The following RGL1 variants were observed in gnomAD, a reference collection of about 807,000 sequenced individuals.
The protein encoded by RGL1 is ral guanine nucleotide dissociation stimulator like 1.
Under a neutral mutation model 95.2 loss-of-function variants are expected in RGL1, and 24 were observed. The ratio of observed to expected loss-of-function variants is 0.25; its 90% CI spans 0.18 to 0.35. The LOEUF (loss-of-function observed/expected upper bound fraction) is 0.35, where lower values mean the gene tolerates loss of function less well. RGL1 is among the 10% of genes least tolerant of loss of function. RGL1 has a pLI of 1.00. For synonymous variants in RGL1, 329 were observed against 344.9 expected (o/e 0.95, Z 0.51); for missense variants, 715 against 936.3 (o/e 0.76, Z 3.08).
At chr1:183,643,170 C>T (rs1247285193) in intron 1 of RGL1, among the ~76,000 whole-genome samples, 3 of 152,144 alleles carry the variant, frequency 2.0e-5, no homozygotes, top group Admixed American at 6.5e-5. Flanking sequence ...ATTCATCTGT[C>T]AATGGACATT....
At chr1:183,804,626 G>T (rs1208902476), upstream of RGL1, among the ~76,000 whole-genome samples, 2 of 152,166 alleles carry the variant, frequency 1.3e-5, no homozygotes, top group Non-Finnish European at 2.9e-5. Flanking sequence ...AAAGCCCAGC[G>T]CGATTTCCTG....
intron 1 of RGL1, among the ~76,000 whole-genome samples, chr1:183,652,914 A>G (rs1036545865): frequency 6.6e-6 from 1 of 152,166 alleles, no homozygotes; most frequent in Non-Finnish European, 1.5e-5. Context: ...AATGAACCAC[A>G]CCATAAGGAC....
At chr1:183,841,343 T>C (rs1376157971) in intron 2 of RGL1, among the ~76,000 whole-genome samples, 1 of 152,228 alleles carries the variant, frequency 6.6e-6, no homozygotes, top group Non-Finnish European at 1.5e-5. Flanking sequence ...TATGTAATTA[T>C]TCATTATTTC....
At chr1:183,757,635 G>C (rs1658422624) in intron 2 of RGL1, among the ~76,000 whole-genome samples, 1 of 152,166 alleles carries the variant, frequency 6.6e-6, no homozygotes, top group African/African-American at 2.4e-5. Context: ...ATAATATTCT[G>C]TTGGGTTTAC....
chr1:183,823,334 T>A (rs1032565957), intron 2 of RGL1, among the ~76,000 whole-genome samples: 10 of 152,142 alleles, frequency 6.6e-5, no homozygotes, highest in African/African-American at 2.2e-4. Flanking sequence ...TGCTTGCAAG[T>A]TTCATTTAAA....
intron 1 of RGL1, among the ~76,000 whole-genome samples, chr1:183,721,752 C>T (rs1656024721): frequency 6.6e-6 from 1 of 152,210 alleles, no homozygotes; most frequent in Non-Finnish European, 1.5e-5. Flanking sequence ...GTGTTTTCCT[C>T]ACTTCATTCA....
chr1:183,656,176 C>G (rs1158905766), intron 1 of RGL1, among the ~76,000 whole-genome samples: 1 of 149,070 alleles, frequency 6.7e-6, no homozygotes, highest in Non-Finnish European at 1.5e-5. Context: ...CTCTCTAACT[C>G]TTACAAAAAA....
rs1661195171 is a variant in RGL1 at position 183,805,128 on chromosome 1, A to T, written c.-170A>T. 3 of 802,314 alleles carry T rather than the reference A, an allele frequency of 3.7e-6. No individual in the cohort carries two copies. Among genetic ancestry groups the T allele is most frequent in the Non-Finnish European group, 5.2e-6 (3 of 581,672 alleles). The allele number at this position is 802,314 out of a possible 1,614,324, so 49.7% of individuals were successfully genotyped here. A position where few individuals can be genotyped will look rare whatever the true frequency, so the allele number is the denominator to read the frequency against. ...CTCGCCGCGCTCCCTTTGTGGCCCG[A>T]GTCGCGCGCACCGGCGGCGGCGGGG... is the stretch of plus-strand genomic sequence containing the variant. On this transcript the variant is annotated 5_prime_UTR_variant, in exon 1 of 18. Transcript: ENST00000360851.
At chr1:183,786,043 A>C (rs192437518) in intron 2 of RGL1, among the ~76,000 whole-genome samples, 20 of 151,896 alleles carry the variant, frequency 1.3e-4, no homozygotes, top group Non-Finnish European at 2.6e-4. Flanking sequence ...GCACTACTCT[A>C]CTCCAGCCTG....
At chr1:183,663,778 G>A (rs928896855) in intron 1 of RGL1, among the ~76,000 whole-genome samples, 4 of 150,988 alleles carry the variant, frequency 2.6e-5, no homozygotes, top group Non-Finnish European at 5.9e-5. Flanking sequence ...GTTTATTGCA[G>A]CACTATTCAC....
chr1:183,874,965 T>C (rs1314937241), intron 4 of RGL1, among the ~76,000 whole-genome samples: 1 of 152,184 alleles, frequency 6.6e-6, no homozygotes, highest in African/African-American at 2.4e-5. Context: ...AAGGACAAAG[T>C]GTATTAGATC....
chr1:183,870,274 GGGGTATGTGTCTTCCGGCCA>G (rs1419770707), intron 4 of RGL1, among the ~76,000 whole-genome samples: 1 of 152,004 alleles, frequency 6.6e-6, no homozygotes, highest in Non-Finnish European at 1.5e-5. Flanking sequence ...TCGGTCTTCA[GGGGTATGTGTCTTCCGGCCA>G]GGGTAGGTGT....
intron 2 of RGL1, among the ~76,000 whole-genome samples, chr1:183,759,977 C>T (rs1658569521): frequency 6.6e-6 from 1 of 152,162 alleles, no homozygotes; most frequent in African/African-American, 2.4e-5. Context: ...TAAGACTCAT[C>T]ACATTAATGG....
intron 2 of RGL1, among the ~76,000 whole-genome samples, chr1:183,845,217 G>A (rs1410255685): frequency 2.6e-5 from 4 of 152,168 alleles, no homozygotes; most frequent in African/African-American, 4.8e-5. Flanking sequence ...ACCGCCTGGC[G>A]ATTGTTCGCA....
At chr1:183,792,518 G>C (rs2102381308) in intron 2 of RGL1, among the ~76,000 whole-genome samples, 1 of 152,214 alleles carries the variant, frequency 6.6e-6, no homozygotes, top group East Asian at 1.9e-4. Flanking sequence ...AACTGGAAAA[G>C]AGGAAGTCAG....
intron 3 of RGL1, among the ~76,000 whole-genome samples, chr1:183,848,547 T>C (rs1664602295): frequency 6.6e-6 from 1 of 152,238 alleles, no homozygotes; most frequent in Admixed American, 6.5e-5. Context: ...TACGGCTTTC[T>C]GTTGGGCTTG....
intron 5 of RGL1, 34 bp from the exon 6 acceptor site, chr1:183,883,752 C>T (rs373238942): frequency 3.0e-5 from 48 of 1,611,520 alleles, no homozygotes; most frequent in Middle Eastern, 1.7e-4. Context: ...TATACACTGG[C>T]GCCAAATTAC....
At chr1:183,874,862 T>C (rs1036123789) in intron 4 of RGL1, among the ~76,000 whole-genome samples, 5 of 152,186 alleles carry the variant, frequency 3.3e-5, no homozygotes, top group South Asian at 2.1e-4. Context: ...CAACCTTCCC[T>C]GAAACAGAGC....
intron 2 of RGL1, among the ~76,000 whole-genome samples, chr1:183,744,539 G>C (rs754807487): frequency 1.3e-5 from 2 of 151,954 alleles, no homozygotes; most frequent in Non-Finnish European, 2.9e-5. Flanking sequence ...TCCAGTCCTG[G>C]CCCTGTCATA....
Sources: allele counts gnomAD v4.1 joint callset (sites outside exome capture counted in the v4.1 genomes callset), GRCh38; gene constraint gnomAD v4.1.1; transcripts MANE v1.5; gene names NCBI Gene and HGNC (gene_info 2026-07-23, HGNC 2026-07-21).